The following GABPB2 variants were observed in gnomAD, a reference collection of about 807,000 sequenced individuals.
The protein encoded by GABPB2 is GA-binding protein subunit beta-2.
A neutral mutation model predicts 39.1 loss-of-function variants in GABPB2; 23 were observed. That is an observed-to-expected ratio of 0.59 (90% CI 0.42 to 0.83). The LOEUF is 0.83. Among genes scored for constraint, GABPB2 ranks in the 40% least tolerant of loss-of-function variants. GABPB2 has a pLI of 0.00. For missense variants in GABPB2, 467 were observed against 541.1 expected (o/e 0.86, Z 1.36); for synonymous variants, 184 against 199.3 (o/e 0.92, Z 0.65).
intron 7 of GABPB2, among the ~76,000 whole-genome samples, chr1:151,109,343 AAT>A (rs761186052): frequency 6.0e-5 from 8 of 133,142 alleles, no homozygotes; most frequent in Non-Finnish European, 1.3e-4. Flanking sequence ...TATATACACA[AAT>A]ATATATATAT....
chr1:151,081,776 A>C (rs1018380746), intron 1 of GABPB2, among the ~76,000 whole-genome samples: 3 of 151,974 alleles, frequency 2.0e-5, no homozygotes, highest in Non-Finnish European at 2.9e-5. Context: ...CTGAGACTGC[A>C]GACGTGCACC....
chr1:151,071,742 G>C (rs1319833378), intron 1 of GABPB2, among the ~76,000 whole-genome samples: 1 of 152,142 alleles, frequency 6.6e-6, no homozygotes, highest in Non-Finnish European at 1.5e-5. Flanking sequence ...AAAGTGCTGG[G>C]ATTGCAGGCG....
chr1:151,123,814 T>A lies in GABPB2; in HGVS notation c.*5558T>A, dbSNP rs1387890097. The A allele has an allele frequency of 1.3e-5, 2 of 150,570 alleles. No individual in the cohort carries two copies. The highest frequency in any genetic ancestry group is 4.9e-5 in the African/African-American group (2 of 40,818). 9.3% of individuals were successfully genotyped at this position (150,570 alleles called of 1,614,324 possible). A position where few individuals can be genotyped will look rare whatever the true frequency, so the allele number is the denominator to read the frequency against. On this transcript the variant is annotated 3_prime_UTR_variant, in exon 9 of 9. Coordinates refer to ENST00000368918, the MANE Select transcript of GABPB2 (RefSeq NM_144618.3). The stretch of plus-strand genomic sequence containing the variant: ...TTGCAGTGAGCTGAGATCGCCCCAC[T>A]GCAACAGATCGCCTGGGCAACAGAA...
intron 1 of GABPB2, among the ~76,000 whole-genome samples, chr1:151,071,624 C>T (rs1020684992): frequency 1.3e-5 from 2 of 152,064 alleles, no homozygotes. Context: ...CGTGCGCCAC[C>T]ATGCATGGCT....
intron 3 of GABPB2, 72 bp from the exon 4 acceptor site, chr1:151,093,120 A>G: frequency 8.4e-7 from 1 of 1,189,980 alleles, no homozygotes. Flanking sequence ...AATCCTCTGT[A>G]TTTGATGATG....
At chr1:151,082,381 A>G (rs1233263752) in intron 1 of GABPB2, among the ~76,000 whole-genome samples, 41 of 147,678 alleles carry the variant, frequency 2.8e-4, no homozygotes, top group African/African-American at 1.0e-3. Context: ...CTGGCCAACA[A>G]GTGGTAATTT....
chr1:151,101,864 A>G (rs1679550278), intron 5 of GABPB2, among the ~76,000 whole-genome samples: 1 of 152,196 alleles, frequency 6.6e-6, no homozygotes, highest in Non-Finnish European at 1.5e-5. Context: ...GTTGAGTAAT[A>G]CTTTTTTTCC....
chr1:151,118,227 A>G lies in GABPB2; in HGVS notation c.1318A>G (p.Arg440Gly). Residue 440 changes from arginine to glycine, a missense_variant, in exon 9 of 9, where the codon AGA becomes GGA. Transcript: ENST00000368918. Reference protein sequence around the residue: ...GSAGTTEPHTRVSMATVSS With the variant: ...GSAGTTEPHTGVSMATVSS Reference sequence around the variant, plus strand: ...AGCAGGGACCACAGAGCCTCACACTAGAGTTTCCATGGCAACTGTTTCATC... The same window carrying G: ...AGCAGGGACCACAGAGCCTCACACTGGAGTTTCCATGGCAACTGTTTCATC... The G allele has an allele frequency of 6.2e-7, 1 of 1,613,536 alleles. No homozygotes were observed. The highest frequency in any genetic ancestry group is 8.5e-7 in the Non-Finnish European group (1 of 1,179,542).
At chr1:151,102,198 G>A (rs920089543) in intron 5 of GABPB2, among the ~76,000 whole-genome samples, 3 of 152,108 alleles carry the variant, frequency 2.0e-5, no homozygotes, top group African/African-American at 7.2e-5. Flanking sequence ...GTGCACACCT[G>A]TAATCCCAGC....
intron 6 of GABPB2, among the ~76,000 whole-genome samples, chr1:151,106,785 A>G (rs1009698191): frequency 1.3e-5 from 2 of 152,240 alleles, no homozygotes; most frequent in African/African-American, 4.8e-5. Flanking sequence ...ATTTATACAT[A>G]GAATCCATCT....
intron 1 of GABPB2, among the ~76,000 whole-genome samples, chr1:151,074,706 A>G (rs1473461790): frequency 1.3e-5 from 2 of 152,116 alleles, no homozygotes; most frequent in African/African-American, 2.4e-5. Context: ...GTGGGAGTGT[A>G]GCAGAGAGAA....
intron 6 of GABPB2, among the ~76,000 whole-genome samples, chr1:151,104,037 C>A (rs1390879606): frequency 1.3e-5 from 2 of 151,970 alleles, no homozygotes; most frequent in Non-Finnish European, 2.9e-5. Context: ...AAATAGCAGC[C>A]CAGATATCTT....
chr1:151,088,794 A>G (rs1335420304), intron 2 of GABPB2, among the ~76,000 whole-genome samples: 1 of 152,200 alleles, frequency 6.6e-6, no homozygotes, highest in Non-Finnish European at 1.5e-5. Context: ...TGAGGTCAGG[A>G]GTTCGAGACC....
chr1:151,111,701 C>T (rs587684332), intron 7 of GABPB2, among the ~76,000 whole-genome samples: 32 of 142,252 alleles, frequency 2.2e-4, no homozygotes, highest in East Asian at 4.3e-4. Context: ...TGTGAGCCAC[C>T]GCGCCCGGCC....
At chr1:151,082,392 C>CTTTTTT (rs35044606) in intron 1 of GABPB2, among the ~76,000 whole-genome samples, 2 of 48,000 alleles carry the variant, frequency 4.2e-5, no homozygotes, top group African/African-American at 8.5e-5. Context: ...GTGGTAATTT[C>CTTTTTT]TTTTTTTTTT....
intron 7 of GABPB2, among the ~76,000 whole-genome samples, chr1:151,115,370 G>GGAAA (rs1199932831): frequency 6.7e-6 from 1 of 150,186 alleles, no homozygotes; most frequent in African/African-American, 2.5e-5. Flanking sequence ...AAAGAAGGAA[G>GGAAA]GAAAGAAAGA....
At chr1:151,109,133 G>A (rs921731234) in intron 7 of GABPB2, among the ~76,000 whole-genome samples, 2 of 151,934 alleles carry the variant, frequency 1.3e-5, no homozygotes, top group Non-Finnish European at 2.9e-5. Context: ...CAAGGTCGCA[G>A]TATGCTACCA....
At chr1:151,108,495 CAGTT>C (rs1014392793) in intron 7 of GABPB2, among the ~76,000 whole-genome samples, 2 of 152,150 alleles carry the variant, frequency 1.3e-5, no homozygotes, top group South Asian at 4.1e-4. Context: ...TTTGGTTAAA[CAGTT>C]CTTTTTTCTT....
chr1:151,074,745 C>T (rs765520799), intron 1 of GABPB2, among the ~76,000 whole-genome samples: 24 of 152,214 alleles, frequency 1.6e-4, no homozygotes, highest in Non-Finnish European at 2.8e-4. Flanking sequence ...GTCCTCTTGT[C>T]GCCATCTTGC....
Sources: allele counts gnomAD v4.1 joint callset (sites outside exome capture counted in the v4.1 genomes callset), GRCh38; gene constraint gnomAD v4.1.1; transcripts MANE v1.5; gene names NCBI Gene and HGNC (gene_info 2026-07-23, HGNC 2026-07-21).